USH1C: variants seen among roughly 807,000 people sequenced by gnomAD.
USH1C encodes the protein harmonin.
A neutral mutation model predicts 119.3 loss-of-function variants in USH1C; 90 were observed. That is an observed-to-expected ratio of 0.75 (90% confidence interval 0.64 to 0.90). The LOEUF (loss-of-function observed/expected upper bound fraction) is 0.90. USH1C is among the 40% of genes least tolerant of loss of function. The probability of loss-of-function intolerance (pLI) is 0.00; values close to 1 mark genes in which losing one functional copy is unlikely to be tolerated. For missense variants in USH1C, 1,165 were observed against 1,167.7 expected (o/e 1.00, Z 0.03); for synonymous variants, 465 against 443.3 (o/e 1.05, Z -0.62).
chr11:17,511,187 A>G (rs1849870815), intron 16 of USH1C, among the ~76,000 whole-genome samples: 1 of 152,308 alleles, frequency 6.6e-6, no homozygotes, highest in Admixed American at 6.5e-5. Flanking sequence ...ATATATTCCC[A>G]GGTTGATGAG....
At chr11:17,523,024 C>G in intron 11 of USH1C, 98 bp from the exon 12 acceptor site, 1 of 1,591,328 alleles carries the variant, frequency 6.3e-7, no homozygotes, top group Non-Finnish European at 8.6e-7. Context: ...CTTCTCAGCA[C>G]CATCAGGCAC....
chr11:17,494,168 C>G lies in USH1C; in HGVS notation c.*164G>C, dbSNP rs1250339632. ...CACGTTGGCCTTCAGAAGAGTGGCC[C>G]GAGCTGTTCCTTATCTGGCCCTGGT... On this transcript the variant is annotated 3_prime_UTR_variant, in exon 27 of 27. Coordinates refer to ENST00000005226, the MANE Select transcript of USH1C (RefSeq NM_153676.4). 1 of 846,776 alleles carries G rather than the reference C, an allele frequency of 1.2e-6. No homozygotes were observed. Among genetic ancestry groups the G allele is most frequent in the Non-Finnish European group, 1.9e-6 (1 of 516,950 alleles). The allele number at this position is 846,776 out of a possible 1,614,324, so 52.5% of individuals were successfully genotyped here. A position where few individuals can be genotyped will look rare whatever the true frequency, so the allele number is the denominator to read the frequency against.
intron 15 of USH1C, among the ~76,000 whole-genome samples, chr11:17,513,723 G>A (rs1850005685): frequency 6.6e-6 from 1 of 152,126 alleles, no homozygotes; most frequent in African/African-American, 2.4e-5. Flanking sequence ...AATTTCCCAA[G>A]AGGAGCCAGA....
At chr11:17,504,732 A>G in intron 19 of USH1C, 35 bp from the exon 20 acceptor site, 1 of 1,609,628 alleles carries the variant, frequency 6.2e-7, no homozygotes. Flanking sequence ...TCCACATTGG[A>G]TGTTACCAAT....
At chr11:17,498,950 G>C (rs1413603485) in intron 23 of USH1C, among the ~76,000 whole-genome samples, 1 of 152,178 alleles carries the variant, frequency 6.6e-6, no homozygotes, top group African/African-American at 2.4e-5. Context: ...ACACAAAATA[G>C]GACCTCAGTA....
intron 5 of USH1C, 39 bp from the exon 6 acceptor site, chr11:17,527,079 G>GCCCCCCC: frequency 1.9e-6 from 1 of 524,832 alleles, no homozygotes; most frequent in Non-Finnish European, 2.5e-6. Context: ...CAGCTCCCCC[G>GCCCCCCC]CCCTCCCTCC....
Position 17,509,944 on chromosome 11 carries a change from G to A in USH1C, c.1531-106C>T, listed in dbSNP as rs971861367. On this transcript the variant is annotated intron_variant, in intron 17 of 26. Coordinates refer to ENST00000005226, the MANE Select transcript of USH1C (RefSeq NM_153676.4). ...CTAATCTGTTTCTCTTGCTACTGGA[G>A]ACCCACCACCCTTACATCAGAACCA... 1.1e-5 allele frequency: 15 copies of A among 1,349,470 alleles called. 1 individual carries two copies. The South Asian group carries it at 2.1e-4, about 19-fold the overall frequency. The allele number at this position is 1,349,470 out of a possible 1,614,324, so 83.6% of individuals were successfully genotyped here.
chr11:17,501,429 G>C, intron 22 of USH1C, 53 bp downstream of exon 22: 1 of 1,587,154 alleles, frequency 6.3e-7, no homozygotes, highest in Non-Finnish European at 8.6e-7. Context: ...CAAGGGAGGA[G>C]GGGCAGGCAC....
At position 17,521,004 on chromosome 11, in the gene USH1C, G is replaced by A. The variant is rs2133868688; in HGVS notation, c.1086-10C>T. 1.2e-6 allele frequency: 2 copies of A among 1,613,872 alleles called. No homozygotes were observed. The highest frequency in any genetic ancestry group is 1.7e-6 in the Non-Finnish European group (2 of 1,179,918). On this transcript the variant is annotated splice_polypyrimidine_tract_variant and intron_variant, in intron 13 of 26. Coordinates refer to ENST00000005226, the MANE Select transcript of USH1C (RefSeq NM_153676.4). ...TTCCTCCTCTACAATCCTAAAATGAGACCCCCATGCCTGTTACTGGAGTCA... is the reference window on the plus strand; with the variant it reads ...TTCCTCCTCTACAATCCTAAAATGAAACCCCCATGCCTGTTACTGGAGTCA...
chr11:17,521,360 C>G lies in USH1C; in HGVS notation c.1071G>C (p.Arg357=). 3 of 1,614,184 alleles carry G rather than the reference C, an allele frequency of 1.9e-6. No homozygotes were observed. Among genetic ancestry groups the G allele is most frequent in the Non-Finnish European group, 2.5e-6 (3 of 1,180,016 alleles). ...GAGGTACTCACTGTTCCATCTCCTT[C>G]CGGTATCTCTCATTTTCCTCTGCTG... ...QKAAEENERY[R]KEMEQIVEEE... is the part of the protein sequence containing the mutation. The change falls in exon 13 of 27, where the codon CGG becomes CGC. Residue 357 remains arginine (R), a synonymous_variant. Transcript: ENST00000005226.
intron 26 of USH1C, 38 bp downstream of exon 26, chr11:17,495,531 G>C (rs374828976): frequency 6.3e-7 from 1 of 1,598,536 alleles, no homozygotes; most frequent in Non-Finnish European, 8.6e-7. Flanking sequence ...GCAAGCAGCA[G>C]GGACACACAG....
rs954428453 is a variant in USH1C, at chr11:17,524,193, A to C, written c.759+258T>G. On this transcript the variant is annotated intron_variant, in intron 9 of 26. Transcript: ENST00000005226. The stretch of plus-strand genomic sequence containing the variant: ...GGAACAATGTCTGATGCAAGTGGAC[A>C]CTGAAGGTCCGCTCTTTGATTACCA... 3.9e-5 allele frequency among the ~76,000 whole-genome samples: 6 copies of C among 152,342 alleles called. No homozygotes were observed. In the East Asian group the frequency reaches 1.2e-3, roughly 29 times the overall value.
chr11:17,506,485 C>T (rs759705115), intron 18 of USH1C, among the ~76,000 whole-genome samples: 7 of 152,228 alleles, frequency 4.6e-5, no homozygotes, highest in Non-Finnish European at 7.3e-5. Context: ...TGTATCAAAT[C>T]AGTTCACAGC....
intron 1 of USH1C, 52 bp downstream of exon 1, chr11:17,544,220 C>G: frequency 6.2e-7 from 1 of 1,612,448 alleles, no homozygotes. Flanking sequence ...CCCTACCCAC[C>G]GCGCCCAGGA....
intron 14 of USH1C, among the ~76,000 whole-genome samples, chr11:17,518,703 C>T (rs1016357619): frequency 1.3e-5 from 2 of 152,136 alleles, no homozygotes; most frequent in Non-Finnish European, 2.9e-5. Context: ...AAGAGATGCC[C>T]CATGCTCTTT....
Position 17,494,271 on chromosome 11 carries a change from C to T in USH1C, c.*61G>A. The T allele has an allele frequency of 2.6e-6, 4 of 1,565,856 alleles. No homozygotes were observed. In the South Asian group the frequency reaches 4.7e-5, roughly 18 times the overall value. On this transcript the variant is annotated 3_prime_UTR_variant, in exon 27 of 27. Transcript: ENST00000005226. ...ATGCCATCTGGTGTGTGTAGTGTGGCCTCTCTCAAGGCTGATCCGAGGCTT... is the reference window on the plus strand; with the variant it reads ...ATGCCATCTGGTGTGTGTAGTGTGGTCTCTCTCAAGGCTGATCCGAGGCTT...
At chr11:17,544,007 C>A (rs910476754) in intron 1 of USH1C, among the ~76,000 whole-genome samples, 13 of 152,342 alleles carry the variant, frequency 8.5e-5, no homozygotes, top group African/African-American at 2.6e-4. Context: ...ACCCCAGAGA[C>A]GTCCCTGCCC....
intron 26 of USH1C, 125 bp from the exon 27 acceptor site, chr11:17,494,501 G>A: frequency 9.1e-7 from 1 of 1,094,378 alleles, no homozygotes. Context: ...CCACCCTTTG[G>A]AGACCCCTCT....
chr11:17,510,901 T>G (rs1183160001), intron 16 of USH1C, among the ~76,000 whole-genome samples: 4 of 152,206 alleles, frequency 2.6e-5, no homozygotes, highest in African/African-American at 9.7e-5. Flanking sequence ...TCCTGCTCCA[T>G]TCTGCCTTGC....
Sources: allele counts gnomAD v4.1 joint callset (sites outside exome capture counted in the v4.1 genomes callset), GRCh38; gene constraint gnomAD v4.1.1; transcripts MANE v1.5; gene names NCBI Gene and HGNC (gene_info 2026-07-23, HGNC 2026-07-21).